CTNNA2: variants seen among roughly 807,000 people sequenced by gnomAD.
The protein encoded by CTNNA2 is catenin alpha-2.
CTNNA2 carries 42 observed loss-of-function variants against 101.0 expected under a neutral mutation model. That is an observed-to-expected ratio of 0.42 (90% CI 0.32 to 0.54). CTNNA2 has a LOEUF of 0.54. Ranked by LOEUF, CTNNA2 falls within the 20% of genes least tolerant of loss-of-function variation. The pLI is 0.14. For missense variants in CTNNA2, 871 were observed against 1,223.1 expected, an observed-to-expected ratio of 0.71 and a Z score of 4.29; for synonymous variants, 450 against 456.4, an observed-to-expected ratio of 0.99 and a Z score of 0.18.
At chr2:79,477,708 A>G (rs1415839336) in intron 4 of CTNNA2, among the ~76,000 whole-genome samples, 1 of 152,204 alleles carries the variant, frequency 6.6e-6, no homozygotes, top group African/African-American at 2.4e-5. Context: ...CCCCTTCTAG[A>G]GTTAACAAAA....
At chr2:79,237,083 T>A (rs1433368320) in intron 2 of CTNNA2, among the ~76,000 whole-genome samples, 4 of 152,224 alleles carry the variant, frequency 2.6e-5, no homozygotes, top group African/African-American at 7.2e-5. Context: ...GAGAAATCAC[T>A]ATCTATGGCA....
intron 7 of CTNNA2, among the ~76,000 whole-genome samples, chr2:80,058,193 T>A (rs559811185): frequency 6.6e-6 from 1 of 152,238 alleles, no homozygotes; most frequent in South Asian, 2.1e-4. Context: ...TGGGTCTTCT[T>A]GTCATTCTGT....
At chr2:79,196,807 G>A (rs1224233106) in intron 1 of CTNNA2, among the ~76,000 whole-genome samples, 2 of 152,202 alleles carry the variant, frequency 1.3e-5, no homozygotes, top group African/African-American at 4.8e-5. Context: ...AAGTTTTCTT[G>A]TTGAGGTTGC....
At chr2:80,585,411 T>C (rs1695896305) in intron 14 of CTNNA2, among the ~76,000 whole-genome samples, 1 of 152,140 alleles carries the variant, frequency 6.6e-6, no homozygotes, top group African/African-American at 2.4e-5. Context: ...TACCACTAAT[T>C]TGGAACCCCA....
chr2:79,892,628 GAA>G (rs1224570075), intron 6 of CTNNA2, among the ~76,000 whole-genome samples: 2 of 152,110 alleles, frequency 1.3e-5, no homozygotes, highest in Non-Finnish European at 2.9e-5. Flanking sequence ...GTAGGGGAAA[GAA>G]AGAGAAAGAG....
intron 7 of CTNNA2, among the ~76,000 whole-genome samples, chr2:80,043,136 T>A (rs1312721920): frequency 3.8e-5 from 2 of 53,232 alleles, no homozygotes; most frequent in Non-Finnish European, 7.2e-5. Context: ...CTTCCTTCCT[T>A]CCTTCCTTCC....
intron 4 of CTNNA2, among the ~76,000 whole-genome samples, chr2:79,416,525 G>A (rs1409107381): frequency 6.6e-6 from 1 of 151,712 alleles, no homozygotes; most frequent in Non-Finnish European, 1.5e-5. Context: ...TAAAGCATTG[G>A]GCAAAACCCC....
At chr2:80,578,905 T>A (rs1695295590) in intron 13 of CTNNA2, 1 of 152,172 alleles carries the variant, frequency 6.6e-6, no homozygotes, top group Admixed American at 6.5e-5. Flanking sequence ...CTGTTGTTGT[T>A]ATTAGGTGTT....
At chr2:79,693,888 A>G (rs1056418554) in intron 2 of CTNNA2, among the ~76,000 whole-genome samples, 29 of 152,116 alleles carry the variant, frequency 1.9e-4, no homozygotes, top group African/African-American at 7.0e-4. Context: ...AAATAAAATT[A>G]GGATTTTAGA....
intron 7 of CTNNA2, among the ~76,000 whole-genome samples, chr2:80,101,968 A>G (rs937666075): frequency 2.0e-5 from 3 of 152,028 alleles, no homozygotes; most frequent in Non-Finnish European, 2.9e-5. Context: ...GGACCATGCA[A>G]TGTTTCTGCA....
chr2:79,206,482 T>G (rs191957331), intron 2 of CTNNA2, among the ~76,000 whole-genome samples: 2 of 152,302 alleles, frequency 1.3e-5, no homozygotes, highest in Admixed American at 1.3e-4. Context: ...TGCACCCTTT[T>G]GATCTTTTGG....
chr2:80,253,848 A>G (rs1180600568), intron 7 of CTNNA2, among the ~76,000 whole-genome samples: 1 of 152,098 alleles, frequency 6.6e-6, no homozygotes, highest in Non-Finnish European at 1.5e-5. Flanking sequence ...TCTTTCTCCT[A>G]CTTTTGAATA....
intron 7 of CTNNA2, among the ~76,000 whole-genome samples, chr2:80,310,783 C>A (rs962277752): frequency 2.0e-5 from 3 of 151,944 alleles, no homozygotes; most frequent in Admixed American, 2.0e-4. Context: ...ACCAGCCTGA[C>A]CAACATGATG....
intron 2 of CTNNA2, among the ~76,000 whole-genome samples, chr2:79,691,963 G>A (rs139974177): frequency 6.6e-6 from 1 of 152,076 alleles, no homozygotes; most frequent in Non-Finnish European, 1.5e-5. Flanking sequence ...ATAGGCATGG[G>A]CAAAGACTTC....
chr2:80,154,602 G>A (rs1223315299), intron 7 of CTNNA2, among the ~76,000 whole-genome samples: 1 of 152,250 alleles, frequency 6.6e-6, no homozygotes, highest in African/African-American at 2.4e-5. Flanking sequence ...AGGCCTGTAT[G>A]GGTATTTTGT....
intron 1 of CTNNA2, among the ~76,000 whole-genome samples, chr2:79,595,137 C>A (rs1677104602): frequency 6.6e-6 from 1 of 152,172 alleles, no homozygotes; most frequent in Non-Finnish European, 1.5e-5. Context: ...ACTGTCATAA[C>A]ATAAGCACTT....
chr2:79,632,401 A>C lies in CTNNA2; in HGVS notation c.-5-19151A>C, dbSNP rs1420512278. On this transcript the variant is annotated intron_variant, in intron 1 of 18. Coordinates refer to ENST00000402739, the MANE Select transcript of CTNNA2 (RefSeq NM_001282597.3). ...CTAACCAGAAAATTTTAATGAAAAA[A>C]AATCCTCTAAAGTAACAATAAATAT... Among the ~76,000 whole-genome samples the C allele has an allele frequency of 2.6e-5, 4 of 152,336 alleles. No homozygotes were observed. The East Asian group carries it at 5.8e-4, about 22-fold the overall frequency.
rs533684887 is a variant in CTNNA2, at chr2:80,571,431, T to C, written c.1742-2732T>C. 1.4e-4 allele frequency among the ~76,000 whole-genome samples: 21 copies of C among 152,282 alleles called. No homozygotes were observed. In the East Asian group the frequency reaches 2.5e-3, roughly 18 times the overall value. On this transcript the variant is annotated intron_variant, in intron 12 of 18. Coordinates refer to ENST00000402739, the MANE Select transcript of CTNNA2 (RefSeq NM_001282597.3). ...GAATAATTTGATTTCTTTTTAAACA[T>C]GTGAATTATGAAAAGATTCAAAGAT...
intron 9 of CTNNA2, among the ~76,000 whole-genome samples, chr2:80,532,094 A>C (rs1690593245): frequency 1.3e-5 from 2 of 152,194 alleles, no homozygotes; most frequent in Admixed American, 6.5e-5. Flanking sequence ...AAAAGACCAA[A>C]GAACTTTTAG....
Sources: gnomAD v4.1 joint callset for allele counts (sites outside exome capture counted in the v4.1 genomes callset) on GRCh38, gnomAD v4.1.1 for gene constraint, MANE v1.5 for transcripts, NCBI Gene and HGNC (gene_info 2026-07-23, HGNC 2026-07-21) for gene names.